CYB5A: variants seen among roughly 807,000 people sequenced by gnomAD.
CYB5A encodes cytochrome b5 type A.
A neutral mutation model predicts 16.2 loss-of-function variants in CYB5A; 10 were observed. That is an observed-to-expected ratio of 0.62 (90% CI 0.38 to 1.04). The LOEUF is 1.04. CYB5A is among the 50% of genes least tolerant of loss of function. The pLI is 0.01. For synonymous variants in CYB5A, 62 were observed against 57.0 expected, an observed-to-expected ratio of 1.09 and a Z score of -0.40; for missense variants, 161 against 165.9, an observed-to-expected ratio of 0.97 and a Z score of 0.16.
In CYB5A at chr18:74,263,434, TC is replaced by T; in HGVS notation, c.172del (p.Asp58ThrfsTer35). The T allele has an allele frequency of 6.2e-7, 1 of 1,614,122 alleles. No homozygotes were observed. The highest frequency in any genetic ancestry group is 8.5e-7 in the Non-Finnish European group (1 of 1,179,992). On this transcript the variant is annotated frameshift_variant, in exon 2 of 5. Coordinates refer to ENST00000340533, the MANE Select transcript of CYB5A (RefSeq NM_148923.4). LOFTEE classifies it high-confidence loss of function. ...EEVLREQAGGDATENFEDVGH... is the reference protein window; with the variant it reads ...EEVLREQAGGXATENFEDVGH... ...GACATCCTCAAAGTTCTCAGTAGCG[TC>T]ACCTCCAGCTTGTTCCCTTAAAACT... is the stretch of plus-strand genomic sequence containing the variant.
intron 1 of CYB5A, among the ~76,000 whole-genome samples, chr18:74,276,071 C>T (rs1364794914): frequency 1.3e-5 from 2 of 152,174 alleles, no homozygotes; most frequent in African/African-American, 4.8e-5. Flanking sequence ...GCCCACTATC[C>T]TCCACCTCCT....
chr18:74,260,907 A>G lies in CYB5A; in HGVS notation c.288+8T>C. 6.2e-7 allele frequency: 1 copy of G among 1,610,554 alleles called. No homozygotes were observed. On this transcript the variant is annotated splice_region_variant and intron_variant, in intron 3 of 4. Transcript: ENST00000340533. ...ACATCCAGAGATACTTGAGATGGTC[A>G]CACTTACCGGAGGCTTGTTTAACTT...
intron 1 of CYB5A, among the ~76,000 whole-genome samples, chr18:74,290,505 A>G (rs1222356565): frequency 6.6e-6 from 1 of 152,182 alleles, no homozygotes; most frequent in Non-Finnish European, 1.5e-5. Flanking sequence ...TCAGCCTCCC[A>G]AAGTGCTGGG....
chr18:74,267,159 C>G (rs1568217777), intron 1 of CYB5A, among the ~76,000 whole-genome samples: 2 of 150,054 alleles, frequency 1.3e-5, no homozygotes, highest in African/African-American at 4.9e-5. Context: ...AAGCACACAT[C>G]ACTTTTTTTT....
intron 1 of CYB5A, among the ~76,000 whole-genome samples, chr18:74,288,017 G>C (rs908460888): frequency 2.0e-5 from 3 of 152,058 alleles, no homozygotes; most frequent in South Asian, 2.1e-4. Flanking sequence ...AAAAAATCTA[G>C]TTCAAAATAT....
At chr18:74,255,586 G>A (rs900274695) in intron 4 of CYB5A, among the ~76,000 whole-genome samples, 155 bp downstream of exon 4, 2 of 152,202 alleles carry the variant, frequency 1.3e-5, no homozygotes, top group Non-Finnish European at 2.9e-5. Flanking sequence ...AAAGTTTGAG[G>A]CTGAGTGCTC....
chr18:74,255,575 G>A (rs1486267999), intron 4 of CYB5A, among the ~76,000 whole-genome samples, 166 bp downstream of exon 4: 2 of 152,204 alleles, frequency 1.3e-5, no homozygotes, highest in African/African-American at 2.4e-5. Context: ...TCGGCTACCT[G>A]AAAGTTTGAG....
At chr18:74,256,857 A>G in intron 3 of CYB5A, 2 of 1,613,724 alleles carry the variant, frequency 1.2e-6, no homozygotes, top group Admixed American at 3.3e-5. Flanking sequence ...AAGGTTCCTG[A>G]CACAGTAGGG....
In CYB5A at chr18:74,282,533, G is replaced by A. The variant is rs147262302; in HGVS notation, c.129+9214C>T. On this transcript the variant is annotated intron_variant, in intron 1 of 4. Coordinates refer to ENST00000340533, the MANE Select transcript of CYB5A (RefSeq NM_148923.4). Reference sequence around the variant, plus strand: ...GACATGGGCCAGGTGCACAGCAGGCGGGCAGGCAGGAGCCCTCATCGCGTG... The same window carrying A: ...GACATGGGCCAGGTGCACAGCAGGCAGGCAGGCAGGAGCCCTCATCGCGTG... 5.5e-3 allele frequency among the ~76,000 whole-genome samples: 843 copies of A among 152,308 alleles called. 5 individuals are homozygous for A. The highest frequency in any genetic ancestry group is 0.019 in the African/African-American group (774 of 41,570).
chr18:74,259,642 C>T (rs146295049), intron 3 of CYB5A: 28 of 152,218 alleles, frequency 1.8e-4, no homozygotes, highest in Middle Eastern at 3.4e-3. Context: ...GAATCTTAAA[C>T]CTTTGTTTTG....
At chr18:74,275,644 C>T (rs1982841752) in intron 1 of CYB5A, among the ~76,000 whole-genome samples, 1 of 152,136 alleles carries the variant, frequency 6.6e-6, no homozygotes, top group African/African-American at 2.4e-5. Flanking sequence ...CTGAAACTCA[C>T]GAATACACAG....
chr18:74,285,486 G>T (rs1293304925), intron 1 of CYB5A, among the ~76,000 whole-genome samples: 1 of 152,210 alleles, frequency 6.6e-6, no homozygotes, highest in Non-Finnish European at 1.5e-5. Context: ...AATTCAGGAA[G>T]GGAGGTGAAT....
At chr18:74,290,175 C>T (rs1432863393) in intron 1 of CYB5A, among the ~76,000 whole-genome samples, 1 of 152,110 alleles carries the variant, frequency 6.6e-6, no homozygotes, top group Non-Finnish European at 1.5e-5. Flanking sequence ...GGTAACATGA[C>T]TTTATCTTCG....
chr18:74,263,848 G>A (rs1285145776), intron 1 of CYB5A, among the ~76,000 whole-genome samples: 1 of 152,126 alleles, frequency 6.6e-6, no homozygotes. Context: ...AGGGGCTGAG[G>A]CTTCAGTGAG....
rs546994315 is a variant in CYB5A at position 74,279,420 on chromosome 18, T to C, written c.129+12327A>G. 9.9e-5 allele frequency among the ~76,000 whole-genome samples: 15 copies of C among 152,264 alleles called. No homozygotes were observed. In the East Asian group the frequency reaches 2.9e-3, roughly 29 times the overall value. On this transcript the variant is annotated intron_variant, in intron 1 of 4. Coordinates refer to ENST00000340533, the MANE Select transcript of CYB5A (RefSeq NM_148923.4). ...GTCAGCCACCTGTAATCCCAGCTAC[T>C]CAGGAAGCTGAGGCAGGGAGAACTG...
chr18:74,265,765 C>A (rs1051462566), intron 1 of CYB5A, among the ~76,000 whole-genome samples: 5 of 152,150 alleles, frequency 3.3e-5, no homozygotes, highest in Admixed American at 6.5e-5. Context: ...CATCTCATGG[C>A]GAGAGAGGAG....
intron 1 of CYB5A, among the ~76,000 whole-genome samples, chr18:74,282,484 C>T (rs964099905): frequency 5.3e-5 from 8 of 152,132 alleles, no homozygotes; most frequent in Non-Finnish European, 1.0e-4. Context: ...CTTCCATCCC[C>T]GGAAGAGTGA....
At chr18:74,280,476 G>A (rs1299090573) in intron 1 of CYB5A, among the ~76,000 whole-genome samples, 1 of 151,640 alleles carries the variant, frequency 6.6e-6, no homozygotes, top group East Asian at 1.9e-4. Context: ...TACTTGGGAG[G>A]CTGAGGTTGG....
At chr18:74,284,551 G>T (rs1983247047) in intron 1 of CYB5A, among the ~76,000 whole-genome samples, 2 of 152,144 alleles carry the variant, frequency 1.3e-5, no homozygotes, top group Admixed American at 6.5e-5. Context: ...TTAATGAATA[G>T]GTCTGCCAAG....
Sources: allele counts gnomAD v4.1 joint callset (sites outside exome capture counted in the v4.1 genomes callset), GRCh38; gene constraint gnomAD v4.1.1; transcripts MANE v1.5; gene names NCBI Gene and HGNC (gene_info 2026-07-23, HGNC 2026-07-21).